SLK: variants seen among roughly 807,000 people sequenced by gnomAD.
SLK encodes the protein STE20-like serine/threonine-protein kinase.
Under a neutral mutation model 147.7 loss-of-function variants are expected in SLK, and 67 were observed. The ratio of observed to expected loss-of-function variants is 0.45; its 90% CI spans 0.37 to 0.56. The LOEUF is 0.56. Among genes scored for constraint, SLK ranks in the 20% least tolerant of loss-of-function variants. SLK has a pLI of 0.00. For synonymous variants in SLK, 441 were observed against 475.0 expected, an observed-to-expected ratio of 0.93 and a Z score of 0.93; for missense variants, 1,136 against 1,438.8, an observed-to-expected ratio of 0.79 and a Z score of 3.41.
intron 13 of SLK, among the ~76,000 whole-genome samples, chr10:104,013,298 C>T (rs867638015): frequency 4.1e-4 from 62 of 152,322 alleles, no homozygotes; most frequent in Middle Eastern, 3.4e-3. Context: ...CTATGGGAGT[C>T]CCTAAGACGG....
intron 11 of SLK, 143 bp from the exon 12 acceptor site, chr10:104,008,034 C>G (rs1290718303): frequency 1.8e-6 from 1 of 560,592 alleles, no homozygotes; most frequent in Admixed American, 3.0e-5. Flanking sequence ...TATTTTAGTG[C>G]ATTTGACTTT....
At chr10:103,968,975 CT>C (rs1047736569) in intron 1 of SLK, among the ~76,000 whole-genome samples, 13 of 148,824 alleles carry the variant, frequency 8.7e-5, no homozygotes, top group African/African-American at 9.8e-5. Context: ...CTACTACTTT[CT>C]TTTTTTTTTG....
At position 104,026,585 on chromosome 10, in the gene SLK, A is replaced by G. The variant is rs569101396; in HGVS notation, c.*865A>G. 9 of 152,314 alleles carry G rather than the reference A, an allele frequency of 5.9e-5. No individual in the cohort carries two copies. Among genetic ancestry groups the G allele is most frequent in the African/African-American group, 1.9e-4 (8 of 41,578 alleles). 9.4% of individuals were successfully genotyped at this position (152,314 alleles called of 1,614,324 possible). On this transcript the variant is annotated 3_prime_UTR_variant, in exon 19 of 19. Coordinates refer to ENST00000369755, the MANE Select transcript of SLK (RefSeq NM_014720.4). ...AAATTTAAGCAATATAGGTTTAGCT[A>G]TCTGTGTTTATTTTCTAAAATAATA...
At chr10:103,990,575 A>G in intron 1 of SLK, 100 bp from the exon 2 acceptor site, 1 of 644,376 alleles carries the variant, frequency 1.6e-6, no homozygotes, top group Non-Finnish European at 2.4e-6. Context: ...AAACGTAAAT[A>G]TGAATTAAAT....
chr10:104,017,675 T>C (rs1029187435), intron 13 of SLK, among the ~76,000 whole-genome samples: 6 of 152,182 alleles, frequency 3.9e-5, no homozygotes, highest in African/African-American at 1.2e-4. Flanking sequence ...AGATGGGGTT[T>C]CACCATGTTG....
chr10:103,967,796 G>A lies in SLK; in HGVS notation c.51G>A (p.Lys17=), dbSNP rs758977981. The change falls in exon 1 of 19, where the codon AAG becomes AAA. Residue 17 remains lysine, a synonymous_variant. Coordinates refer to ENST00000369755, the MANE Select transcript of SLK (RefSeq NM_014720.4). ...RKIFKLGSEK[K]KKQYEHVKRD... Reference sequence around the variant, plus strand: ...TCTTCAAGTTGGGGAGCGAGAAGAAGAAGAAGCAGTACGAACACGTGAAGA... The same window carrying A: ...TCTTCAAGTTGGGGAGCGAGAAGAAAAAGAAGCAGTACGAACACGTGAAGA... The A allele has an allele frequency of 2.5e-6, 4 of 1,614,152 alleles. No individual in the cohort carries two copies. The South Asian group carries it at 4.4e-5, about 18-fold the overall frequency.
chr10:104,008,695 A>G (rs774395661), intron 12 of SLK, among the ~76,000 whole-genome samples: 2 of 152,228 alleles, frequency 1.3e-5, no homozygotes, highest in African/African-American at 4.8e-5. Flanking sequence ...AAGGTCTACC[A>G]TTGTCCTTAA....
chr10:103,991,821 C>G (rs12243556), intron 2 of SLK, among the ~76,000 whole-genome samples: 2 of 151,914 alleles, frequency 1.3e-5, no homozygotes, highest in Non-Finnish European at 2.9e-5. Flanking sequence ...GTGGTGTTTT[C>G]TGAAATTATT....
chr10:104,006,672 A>G (rs975780562), intron 11 of SLK, among the ~76,000 whole-genome samples: 1 of 152,220 alleles, frequency 6.6e-6, no homozygotes, highest in Non-Finnish European at 1.5e-5. Flanking sequence ...GGTTAGAAAA[A>G]GTATCATTTG....
chr10:103,974,891 G>C (rs1373159669), intron 1 of SLK: 1 of 130,692 alleles, frequency 7.7e-6, no homozygotes, highest in South Asian at 2.6e-4. Context: ...GGATGGTCGC[G>C]ATCTCTTGAC....
chr10:103,993,160 T>C, intron 4 of SLK, 27 bp downstream of exon 4: 1 of 1,524,750 alleles, frequency 6.6e-7, no homozygotes, highest in Non-Finnish European at 9.0e-7. Context: ...AATAAAACAT[T>C]AGAATTTTTA....
Position 104,003,385 on chromosome 10 carries a change from T to C in SLK, c.2207T>C (p.Leu736Pro). ...IGSLSKTETI[L>P]PPESENPKEN... Reference sequence around the variant, plus strand: ...TCTTTATCAAAAACTGAAACTATTCTGCCACCAGAATCTGAGAATCCAAAG... The same window carrying C: ...TCTTTATCAAAAACTGAAACTATTCCGCCACCAGAATCTGAGAATCCAAAG... Residue 736 changes from leucine to proline, a missense_variant, in exon 9 of 19, where the codon CTG becomes CCG. By Grantham distance (98) the Leu-to-Pro change is moderately conservative. Coordinates refer to ENST00000369755, the MANE Select transcript of SLK (RefSeq NM_014720.4). 3 of 1,614,092 alleles carry C rather than the reference T, an allele frequency of 1.9e-6. No individual in the cohort carries two copies. The highest frequency in any genetic ancestry group is 2.5e-6 in the Non-Finnish European group (3 of 1,179,974).
intron 18 of SLK, among the ~76,000 whole-genome samples, chr10:104,023,841 G>C (rs192186306): frequency 1.3e-5 from 2 of 152,226 alleles, no homozygotes; most frequent in East Asian, 3.9e-4. Context: ...TTATTGATAT[G>C]TACCCAGTTT....
At chr10:103,977,826 ATTGT>A (rs1268131482) in intron 1 of SLK, among the ~76,000 whole-genome samples, 5 of 152,124 alleles carry the variant, frequency 3.3e-5, no homozygotes, top group Non-Finnish European at 5.9e-5. Context: ...GAGTGCTCTT[ATTGT>A]TTATTTTCCC....
At chr10:103,971,532 A>G (rs868805108) in intron 1 of SLK, among the ~76,000 whole-genome samples, 3 of 152,206 alleles carry the variant, frequency 2.0e-5, no homozygotes, top group Non-Finnish European at 4.4e-5. Flanking sequence ...TTGGCCTCCC[A>G]AAGTGTTGGG....
In SLK at chr10:104,027,243, T is replaced by C. The variant is rs546621968; in HGVS notation, c.*1523T>C. The C allele has an allele frequency of 2.6e-5, 4 of 152,766 alleles. No homozygotes were observed. In the East Asian group the frequency reaches 7.7e-4, roughly 29 times the overall value. 9.5% of individuals were successfully genotyped at this position (152,766 alleles called of 1,614,324 possible). ...AACTTTGGATGCTGAACCTTGTTTG[T>C]CAGTGATTTAGATGATTTAAAAATG... On this transcript the variant is annotated 3_prime_UTR_variant, in exon 19 of 19. Coordinates refer to ENST00000369755, the MANE Select transcript of SLK (RefSeq NM_014720.4).
chr10:103,976,353 A>G (rs1296059224), intron 1 of SLK, among the ~76,000 whole-genome samples: 3 of 152,144 alleles, frequency 2.0e-5, no homozygotes, highest in African/African-American at 7.2e-5. Flanking sequence ...GGTTGTACCA[A>G]TTTACACTCC....
intron 4 of SLK, among the ~76,000 whole-genome samples, chr10:103,995,683 C>T (rs759574913): frequency 2.1e-4 from 32 of 152,024 alleles, no homozygotes; most frequent in African/African-American, 4.1e-4. Flanking sequence ...ACTTCAGCCT[C>T]CCAAAGTGCT....
chr10:104,001,764 G>C (rs1342177853), intron 8 of SLK, among the ~76,000 whole-genome samples, 192 bp downstream of exon 8: 1 of 152,110 alleles, frequency 6.6e-6, no homozygotes, highest in African/African-American at 2.4e-5. Context: ...GTCTCACTCT[G>C]TCACCCAGGT....
Sources: gnomAD v4.1 joint callset for allele counts (sites outside exome capture counted in the v4.1 genomes callset) on GRCh38, gnomAD v4.1.1 for gene constraint, MANE v1.5 for transcripts, NCBI Gene and HGNC (gene_info 2026-07-23, HGNC 2026-07-21) for gene names.